Variants in PACRG observed in about 807,000 individuals in gnomAD.
PACRG encodes parkin coregulated gene protein.
In PACRG, 29 loss-of-function variants were observed where a neutral mutation model predicts 29.7. That is an observed-to-expected ratio of 0.98 (90% CI 0.73 to 1.33). The LOEUF (loss-of-function observed/expected upper bound fraction) is 1.33. Among genes scored for constraint, PACRG ranks in the 40% most tolerant of loss-of-function variants. The pLI is 0.00. For missense variants in PACRG, 279 were observed against 316.2 expected, an observed-to-expected ratio of 0.88 and a Z score of 0.89; for synonymous variants, 116 against 118.7, an observed-to-expected ratio of 0.98 and a Z score of 0.15.
At chr6:163,085,758 C>A (rs545590484) in intron 3 of PACRG, among the ~76,000 whole-genome samples, 51 of 152,318 alleles carry the variant, frequency 3.3e-4, no homozygotes, top group African/African-American at 1.1e-3. Flanking sequence ...CTAGACTAGG[C>A]GTGGGACTTG....
rs11965597 is a variant in PACRG, at chr6:162,964,281, G to A, written c.292-97869G>A. Reference sequence around the variant, plus strand: ...GTCTATAAAACAAGTGAGCTTCTCTGAAGGTAAAATGAGATAATGCTCAGT... The same window carrying A: ...GTCTATAAAACAAGTGAGCTTCTCTAAAGGTAAAATGAGATAATGCTCAGT... On this transcript the variant is annotated intron_variant, in intron 2 of 4. Coordinates refer to ENST00000366888, the MANE Select transcript of PACRG (RefSeq NM_001080379.2). Among the ~76,000 whole-genome samples the A allele has an allele frequency of 5.1e-3, 779 of 152,252 alleles. 12 individuals carry two copies. Among genetic ancestry groups the A allele is most frequent in the African/African-American group, 0.018 (745 of 41,534 alleles).
chr6:162,867,747 TA>T (rs1323306758), intron 2 of PACRG, among the ~76,000 whole-genome samples: 1 of 152,170 alleles, frequency 6.6e-6, no homozygotes, highest in African/African-American at 2.4e-5. Context: ...GGCTACCCTC[TA>T]GGGTCCTGGG....
chr6:162,876,624 G>A (rs1209417123), intron 2 of PACRG, among the ~76,000 whole-genome samples: 2 of 152,108 alleles, frequency 1.3e-5, no homozygotes, highest in Admixed American at 1.3e-4. Flanking sequence ...TTGTCAGATG[G>A]ATAGATTGCA....
At chr6:163,058,489 A>C (rs1810789839) in intron 2 of PACRG, among the ~76,000 whole-genome samples, 1 of 152,108 alleles carries the variant, frequency 6.6e-6, no homozygotes. Flanking sequence ...AGAACTAATG[A>C]AGGCTGGCCG....
chr6:163,270,747 A>G (rs1266848908), intron 4 of PACRG, among the ~76,000 whole-genome samples: 1 of 152,188 alleles, frequency 6.6e-6, no homozygotes, highest in African/African-American at 2.4e-5. Context: ...AGGAAAAGAT[A>G]GATTTGATTA....
intron 4 of PACRG, among the ~76,000 whole-genome samples, chr6:163,192,943 G>A (rs1049629281): frequency 4.6e-5 from 7 of 152,098 alleles, no homozygotes; most frequent in Non-Finnish European, 8.8e-5. Flanking sequence ...CCAAATGCCC[G>A]ATACTTCTTA....
At chr6:162,941,970 C>T (rs1798663302) in intron 2 of PACRG, among the ~76,000 whole-genome samples, 1 of 152,216 alleles carries the variant, frequency 6.6e-6, no homozygotes, top group Non-Finnish European at 1.5e-5. Context: ...CTCACCCTCT[C>T]ACTAGCTGCC....
intron 1 of PACRG, among the ~76,000 whole-genome samples, chr6:162,798,778 A>G (rs1785595223): frequency 6.6e-6 from 1 of 152,164 alleles, no homozygotes; most frequent in Admixed American, 6.5e-5. Flanking sequence ...AATCAAAAAT[A>G]CAGTAACATA....
At chr6:163,230,628 G>T (rs1781984187) in intron 4 of PACRG, among the ~76,000 whole-genome samples, 1 of 119,646 alleles carries the variant, frequency 8.4e-6, no homozygotes, top group South Asian at 2.9e-4. Context: ...TATTTGACGT[G>T]TCCAAATGTG....
intron 4 of PACRG, among the ~76,000 whole-genome samples, chr6:163,292,685 G>C (rs1015146932): frequency 2.0e-5 from 3 of 151,896 alleles, no homozygotes; most frequent in Admixed American, 1.3e-4. Flanking sequence ...TGGCCTCCCA[G>C]AGTGCTGGGA....
chr6:163,231,853 G>A (rs916028470), intron 4 of PACRG, among the ~76,000 whole-genome samples: 2 of 152,186 alleles, frequency 1.3e-5, no homozygotes, highest in Non-Finnish European at 2.9e-5. Context: ...GGTTGGCCAT[G>A]ATAAACAGCC....
intron 2 of PACRG, among the ~76,000 whole-genome samples, chr6:162,850,438 G>A (rs947929214): frequency 4.6e-5 from 7 of 152,178 alleles, no homozygotes; most frequent in Non-Finnish European, 7.4e-5. Context: ...AAAGGAGCTG[G>A]TCACTAGAAA....
intron 2 of PACRG, among the ~76,000 whole-genome samples, chr6:162,938,362 C>T (rs1798385995): frequency 6.6e-6 from 1 of 152,212 alleles, no homozygotes. Context: ...TATAAACATG[C>T]ATGTGCAAGT....
intron 1 of PACRG, among the ~76,000 whole-genome samples, chr6:162,732,754 A>G (rs1779871093): frequency 6.6e-6 from 1 of 152,152 alleles, no homozygotes; most frequent in Non-Finnish European, 1.5e-5. Context: ...TGACTCCCTC[A>G]ATCAATTATC....
At chr6:163,106,802 T>C (rs962817289) in intron 4 of PACRG, among the ~76,000 whole-genome samples, 9 of 152,222 alleles carry the variant, frequency 5.9e-5, no homozygotes, top group African/African-American at 2.2e-4. Flanking sequence ...GATAATTTGC[T>C]GACCATTTGT....
chr6:163,216,786 A>G (rs1395232654), intron 4 of PACRG, among the ~76,000 whole-genome samples: 1 of 152,176 alleles, frequency 6.6e-6, no homozygotes, highest in East Asian at 1.9e-4. Flanking sequence ...TGTCCAATTT[A>G]TTTTAATTAT....
chr6:162,738,407 C>T (rs1438628623), intron 1 of PACRG, among the ~76,000 whole-genome samples: 3 of 152,216 alleles, frequency 2.0e-5, no homozygotes, highest in African/African-American at 7.2e-5. Context: ...CTTTCCCCAT[C>T]TTGTTAGTAT....
chr6:162,963,583 T>G (rs756944667), intron 2 of PACRG, among the ~76,000 whole-genome samples: 5 of 150,346 alleles, frequency 3.3e-5, no homozygotes, highest in African/African-American at 7.3e-5. Context: ...TGTAAATTTG[T>G]AATTATACAT....
At chr6:163,259,759 A>G (rs1783251547) in intron 4 of PACRG, among the ~76,000 whole-genome samples, 1 of 152,020 alleles carries the variant, frequency 6.6e-6, no homozygotes, top group Non-Finnish European at 1.5e-5. Flanking sequence ...GGTCTTTCCC[A>G]TGTTGCCCCA....
Sources: allele counts gnomAD v4.1 joint callset (sites outside exome capture counted in the v4.1 genomes callset), GRCh38; gene constraint gnomAD v4.1.1; transcripts MANE v1.5; gene names NCBI Gene and HGNC (gene_info 2026-07-23, HGNC 2026-07-21).